The following IFIH1 variants were observed in gnomAD, a reference collection of about 807,000 sequenced individuals.
The protein encoded by IFIH1 is interferon induced with helicase C domain 1.
A neutral mutation model predicts 107.4 loss-of-function variants in IFIH1; 125 were observed. The observed-to-expected ratio is 1.16, with a 90% CI of 1.01 to 1.35. IFIH1 has a LOEUF of 1.35. IFIH1 is among the 40% of genes most tolerant of loss of function. The pLI is 0.00. For synonymous variants in IFIH1, 458 were observed against 413.2 expected (o/e 1.11, Z -1.31); for missense variants, 1,333 against 1,213.7 (o/e 1.10, Z -1.46).
Position 162,317,890 on chromosome 2 carries a change from C to A in IFIH1, c.418G>T (p.Glu140Ter), listed in dbSNP as rs766508793. 1.2e-6 allele frequency: 2 copies of A among 1,607,480 alleles called. No homozygotes were observed. Among genetic ancestry groups the A allele is most frequent in the African/African-American group, 2.7e-5 (2 of 74,824 alleles). The change falls in exon 1 of 16, where the codon GAG becomes TAG. Residue 140 changes from glutamate (E) to a stop codon, truncating the protein, a stop_gained. Coordinates refer to ENST00000649979, the MANE Select transcript of IFIH1 (RefSeq NM_022168.4). LOFTEE classifies it high-confidence loss of function. The part of the protein sequence containing the change: ...LVRDVLDKCM[E>*]EELLTIEDRN... ...TCTTCAATTGTCAACAGTTCCTCCT[C>A]CATGCACTTATCCAAGACGTCTCTA...
intron 11 of IFIH1, among the ~76,000 whole-genome samples, 199 bp from the exon 12 acceptor site, chr2:162,274,143 C>G (rs1342087217): frequency 1.3e-5 from 2 of 152,042 alleles, no homozygotes; most frequent in Non-Finnish European, 2.9e-5. Context: ...CTGGGATTAC[C>G]ACACAATAAC....
In IFIH1 at chr2:162,318,413, A is replaced by G. The variant is rs1039596705; in HGVS notation, c.-106T>C. 3.3e-6 allele frequency: 3 copies of G among 921,980 alleles called. No homozygotes were observed. Among genetic ancestry groups the G allele is most frequent in the Non-Finnish European group, 5.1e-6 (3 of 588,208 alleles). 57.1% of individuals were successfully genotyped at this position (921,980 alleles called of 1,614,324 possible). A position where few individuals can be genotyped will look rare whatever the true frequency, so the allele number is the denominator to read the frequency against. ...CTGTCCGCTGCCCACTTAGAGAAGC[A>G]GGGTCTACCGCTCTGTGCCTGACAA... On this transcript the variant is annotated 5_prime_UTR_variant, in exon 1 of 16. Coordinates refer to ENST00000649979, the MANE Select transcript of IFIH1 (RefSeq NM_022168.4).
intron 6 of IFIH1, among the ~76,000 whole-genome samples, 173 bp from the exon 7 acceptor site, chr2:162,281,718 A>ACAG (rs1426609310): frequency 6.6e-6 from 1 of 151,984 alleles, no homozygotes; most frequent in Non-Finnish European, 1.5e-5. Context: ...ACCTGTACAC[A>ACAG]CAGACGTTCG....
chr2:162,295,471 G>A (rs969839400), intron 3 of IFIH1, among the ~76,000 whole-genome samples: 4 of 151,858 alleles, frequency 2.6e-5, no homozygotes, highest in Non-Finnish European at 2.9e-5. Context: ...TAGTTTAAGA[G>A]CTATAACAGA....
intron 3 of IFIH1, among the ~76,000 whole-genome samples, chr2:162,306,430 G>C (rs866282240): frequency 1.3e-5 from 2 of 152,106 alleles, no homozygotes; most frequent in South Asian, 4.2e-4. Context: ...GGAAATATAA[G>C]GCATTCTTAT....
intron 12 of IFIH1, 133 bp from the exon 13 acceptor site, chr2:162,272,520 G>A (rs985291024): frequency 6.1e-6 from 4 of 658,950 alleles, no homozygotes; most frequent in African/African-American, 5.5e-5. Context: ...CTTCAAATGG[G>A]TAAAGTTAGT....
At position 162,277,663 on chromosome 2, in the gene IFIH1, AC is replaced by A. The variant is rs773795297; in HGVS notation, c.1795del (p.Val599PhefsTer6). 6 of 1,606,862 alleles carry A rather than the reference AC, an allele frequency of 3.7e-6. No homozygotes were observed. Among genetic ancestry groups the A allele is most frequent in the Non-Finnish European group, 4.2e-6 (5 of 1,177,014 alleles). On this transcript the variant is annotated frameshift_variant, in exon 10 of 16. Coordinates refer to ENST00000649979, the MANE Select transcript of IFIH1 (RefSeq NM_022168.4). LOFTEE classifies it high-confidence loss of function. ...AAKEGNRKER[V>X]CAEHLRKYNE... ...GTACTTCCTCAAATGTTCTGCACAA[AC>A]ACGTTCTTTGCGATTTCCTTCTTTT...
chr2:162,307,058 T>C (rs1344179669), intron 2 of IFIH1: 4 of 456,070 alleles, frequency 8.8e-6, no homozygotes, highest in Non-Finnish European at 1.5e-5. Flanking sequence ...GCTGTTATTG[T>C]TATTTTGAAA....
rs35744605 is a variant in IFIH1 at position 162,277,580 on chromosome 2, C to A, written c.1879G>T (p.Glu627Ter). 5.2e-3 allele frequency: 8,337 copies of A among 1,611,082 alleles called. 30 individuals are homozygous for A. Among genetic ancestry groups the A allele is most frequent in the Non-Finnish European group, 6.5e-3 (7,700 of 1,177,454 alleles). The change falls in exon 10 of 16, where the codon GAA becomes TAA. Residue 627 changes from glutamate (E) to a stop codon, truncating the protein, a stop_gained. Transcript: ENST00000649979. LOFTEE classifies it high-confidence loss of function. Reference protein sequence around the residue: ...IRMIDAYTHLETFYNEEKDKK... With the variant: ...IRMIDAYTHL ...TCTTTCTCTTCATTATAGAAAGTTTCAAGATGAGTATACGCATCTATCATT... is the reference window on the plus strand; with the variant it reads ...TCTTTCTCTTCATTATAGAAAGTTTAAAGATGAGTATACGCATCTATCATT...
At chr2:162,316,589 T>C (rs1278104868) in intron 1 of IFIH1, among the ~76,000 whole-genome samples, 1 of 152,166 alleles carries the variant, frequency 6.6e-6, no homozygotes, top group Admixed American at 6.5e-5. Flanking sequence ...TCATAGGCTA[T>C]AGCAAATCAA....
At chr2:162,276,626 A>C in intron 11 of IFIH1, 61 bp downstream of exon 11, 1 of 1,522,362 alleles carries the variant, frequency 6.6e-7, no homozygotes, top group Non-Finnish European at 8.9e-7. Flanking sequence ...GAAGAGAAGA[A>C]GAGAAGAGAA....
At chr2:162,267,735 C>T (rs113370403) in intron 14 of IFIH1, among the ~76,000 whole-genome samples, 166 bp from the exon 15 acceptor site, 2 of 152,342 alleles carry the variant, frequency 1.3e-5, no homozygotes, top group African/African-American at 4.8e-5. Flanking sequence ...TAAGGCAATG[C>T]TTCTCTTCTA....
chr2:162,283,584 T>C (rs1450969998), intron 5 of IFIH1, among the ~76,000 whole-genome samples: 5 of 152,022 alleles, frequency 3.3e-5, no homozygotes, highest in Non-Finnish European at 7.4e-5. Context: ...CTTCAAAGAA[T>C]GCCCATTATA....
At chr2:162,280,891 C>T (rs1682796105) in intron 7 of IFIH1, among the ~76,000 whole-genome samples, 1 of 151,974 alleles carries the variant, frequency 6.6e-6, no homozygotes, top group African/African-American at 2.4e-5. Flanking sequence ...TCCCTATTTC[C>T]CTTTAATTTG....
intron 4 of IFIH1, among the ~76,000 whole-genome samples, chr2:162,292,623 T>C (rs970626021): frequency 6.6e-6 from 1 of 151,906 alleles, no homozygotes; most frequent in African/African-American, 2.4e-5. Flanking sequence ...ATCTGAATTA[T>C]ATAATATATT....
At chr2:162,304,927 G>A (rs1022890954) in intron 3 of IFIH1, among the ~76,000 whole-genome samples, 1 of 152,128 alleles carries the variant, frequency 6.6e-6, no homozygotes, top group African/African-American at 2.4e-5. Context: ...TAAATCATTT[G>A]ACCCAGAAAT....
At position 162,306,818 on chromosome 2, in the gene IFIH1, C is replaced by G. The variant is rs368515897; in HGVS notation, c.660G>C (p.Val220=). ...CTGTGGTTGAAAGAAGTTGCTCTTC[C>G]ACTTGAGGACCATCAACTTGTGATA... ...ENLSQVDGPQ[V]EEQLLSTTVQ... The change falls in exon 3 of 16, where the codon GTG becomes GTC. Residue 220 remains valine (V), a synonymous_variant. Transcript: ENST00000649979. 11 of 1,613,800 alleles carry G rather than the reference C, an allele frequency of 6.8e-6. No homozygotes were observed. Among genetic ancestry groups the G allele is most frequent in the Non-Finnish European group, 9.3e-6 (11 of 1,179,864 alleles).
At chr2:162,307,867 A>C (rs1683314823) in intron 2 of IFIH1, among the ~76,000 whole-genome samples, 1 of 152,250 alleles carries the variant, frequency 6.6e-6, no homozygotes, top group Non-Finnish European at 1.5e-5. Flanking sequence ...TACTTTACAT[A>C]CATTAAGTTA....
intron 1 of IFIH1, among the ~76,000 whole-genome samples, chr2:162,314,774 C>T (rs1558877746): frequency 6.6e-6 from 1 of 152,106 alleles, no homozygotes; most frequent in Non-Finnish European, 1.5e-5. Flanking sequence ...AGGCGTAAGC[C>T]ACCATGACTG....
Sources: allele counts gnomAD v4.1 joint callset (sites outside exome capture counted in the v4.1 genomes callset), GRCh38; gene constraint gnomAD v4.1.1; transcripts MANE v1.5; gene names NCBI Gene and HGNC (gene_info 2026-07-23, HGNC 2026-07-21).